The following MAP3K4 variants were observed in gnomAD, a reference collection of about 807,000 sequenced individuals.
The protein encoded by MAP3K4 is mitogen-activated protein kinase kinase kinase 4.
A neutral mutation model predicts 185.6 loss-of-function variants in MAP3K4; 67 were observed. The observed-to-expected ratio is 0.36, with a 90% CI of 0.30 to 0.44. The LOEUF (loss-of-function observed/expected upper bound fraction) is 0.44, where lower values mean the gene tolerates loss of function less well. Among genes scored for constraint, MAP3K4 ranks in the 20% least tolerant of loss-of-function variants. The pLI is 1.00. For synonymous variants in MAP3K4, 702 were observed against 710.4 expected, an observed-to-expected ratio of 0.99 and a Z score of 0.19; for missense variants, 1,551 against 1,995.1, an observed-to-expected ratio of 0.78 and a Z score of 4.24.
At chr6:161,060,975 A>G (rs1218134059) in intron 3 of MAP3K4, among the ~76,000 whole-genome samples, 1 of 152,188 alleles carries the variant, frequency 6.6e-6, no homozygotes, top group Non-Finnish European at 1.5e-5. Flanking sequence ...GAGAAATGGT[A>G]TATTCCAAGA....
chr6:161,114,177 C>G lies in MAP3K4; in HGVS notation c.4627-946C>G, dbSNP rs1778493223. ...GCTGCTCCGGAGACATTTCCAATCT[C>G]TATCAAAATTTTAAATGTGCATAGC... is the stretch of plus-strand genomic sequence containing the variant. On this transcript the variant is annotated intron_variant, in intron 25 of 26. Coordinates refer to ENST00000392142, the MANE Select transcript of MAP3K4 (RefSeq NM_005922.4). This position sits in a 1 kb window ranked among gnomAD's most constrained non-coding sequence, Gnocchi z 4.3. Among the ~76,000 whole-genome samples the G allele has an allele frequency of 2.0e-5, 3 of 152,168 alleles. No homozygotes were observed. Among genetic ancestry groups the G allele is most frequent in the Admixed American group, 2.0e-4 (3 of 15,272 alleles).
rs3798912 is a variant in MAP3K4 at position 161,063,341 on chromosome 6, C to G, written c.1708-7267C>G. Among the ~76,000 whole-genome samples the G allele has an allele frequency of 0.061, 9,263 of 152,212 alleles. 504 individuals carry two copies. Among genetic ancestry groups the G allele is most frequent in the East Asian group, 0.31 (1,608 of 5,170 alleles). ...TATCTTTCTGGCAAGCGCTCACTGT[C>G]TGGAGGGTTATTCTCCTTTTTCTCT... is the stretch of plus-strand genomic sequence containing the variant. On this transcript the variant is annotated intron_variant, in intron 3 of 26. Transcript: ENST00000392142. The surrounding 1 kb of genome is among the most constrained non-coding windows in gnomAD (Gnocchi z 5.4).
rs910650146 is a variant in MAP3K4, at chr6:161,070,440, A to G, written c.1708-168A>G. 1.3e-5 allele frequency among the ~76,000 whole-genome samples: 2 copies of G among 152,184 alleles called. No individual in the cohort carries two copies. Among genetic ancestry groups the G allele is most frequent in the Non-Finnish European group, 2.9e-5 (2 of 68,022 alleles). On this transcript the variant is annotated intron_variant, in intron 3 of 26. Transcript: ENST00000392142. The surrounding 1 kb of genome is among the most constrained non-coding windows in gnomAD (Gnocchi z 4.5). ...AGAACTTTTTGGATCTATGTTGAAAATGTTGAAGTTATTAAATTCATTAAA... is the reference window on the plus strand; with the variant it reads ...AGAACTTTTTGGATCTATGTTGAAAGTGTTGAAGTTATTAAATTCATTAAA...
Position 160,994,737 on chromosome 6 carries a change from G to C in MAP3K4, c.152+2654G>C, listed in dbSNP as rs191821618. On this transcript the variant is annotated intron_variant, in intron 1 of 26. Coordinates refer to ENST00000392142, the MANE Select transcript of MAP3K4 (RefSeq NM_005922.4). ...TTTTTTTGAGACAGAGTCTTTCTCT[G>C]TTGCCCAGGCTGGAGTGCAGTGGCG... Among the ~76,000 whole-genome samples, 87 of 152,166 alleles carry C rather than the reference G, an allele frequency of 5.7e-4. 1 individual carries two copies. In the Middle Eastern group the frequency reaches 0.01, roughly 18 times the overall value.
At chr6:161,111,678 C>T (rs1478977949) in intron 23 of MAP3K4, among the ~76,000 whole-genome samples, 158 bp from the exon 24 acceptor site, 1 of 152,198 alleles carries the variant, frequency 6.6e-6, no homozygotes, top group Non-Finnish European at 1.5e-5. Context: ...GTGAATAAGG[C>T]TTACAAATCT....
At chr6:161,068,393 G>T (rs916136956) in intron 3 of MAP3K4, among the ~76,000 whole-genome samples, 1 of 152,158 alleles carries the variant, frequency 6.6e-6, no homozygotes, top group South Asian at 2.1e-4. Context: ...CAGAACTTCT[G>T]ATAATAAAAG....
Position 161,101,981 on chromosome 6 carries a change from A to G in MAP3K4, c.3764A>G (p.Glu1255Gly), listed in dbSNP as rs1439191830. Reference protein sequence around the residue: ...RSLSRHSSPTEERDEPAYPRG... With the variant: ...RSLSRHSSPTGERDEPAYPRG... ...CTGAGTCGTCACTCAAGCCCCACGG[A>G]GGAGCGAGATGGTGAGTGTTTTAAG... is the stretch of plus-strand genomic sequence containing the variant. Residue 1255 changes from glutamate to glycine, a missense_variant, in exon 18 of 27, where the codon GAG becomes GGG. Glu to Gly is a moderately conservative substitution (Grantham distance 98). Transcript: ENST00000392142. The surrounding 1 kb of genome is among the most constrained non-coding windows in gnomAD (Gnocchi z 5.1). 1 of 1,613,956 alleles carries G rather than the reference A, an allele frequency of 6.2e-7. No individual in the cohort carries two copies. Among genetic ancestry groups the G allele is most frequent in the Non-Finnish European group, 8.5e-7 (1 of 1,179,848 alleles).
At chr6:161,026,287 C>G (rs1164548072) in intron 1 of MAP3K4, among the ~76,000 whole-genome samples, 1 of 123,690 alleles carries the variant, frequency 8.1e-6, no homozygotes, top group African/African-American at 2.9e-5. Flanking sequence ...CCCGCCACCA[C>G]GCGCAGCTAA....
chr6:161,086,953 A>G lies in MAP3K4; in HGVS notation c.2556+286A>G, dbSNP rs926932632. 3.3e-5 allele frequency among the ~76,000 whole-genome samples: 5 copies of G among 152,230 alleles called. No homozygotes were observed. Among genetic ancestry groups the G allele is most frequent in the African/African-American group, 1.2e-4 (5 of 41,462 alleles). Reference sequence around the variant, plus strand: ...TATTTAAAATAATGTGTATAAGGAGATAATATTCATTTTAAATTATGGTTT... The same window carrying G: ...TATTTAAAATAATGTGTATAAGGAGGTAATATTCATTTTAAATTATGGTTT... On this transcript the variant is annotated intron_variant, in intron 9 of 26. Coordinates refer to ENST00000392142, the MANE Select transcript of MAP3K4 (RefSeq NM_005922.4). This position sits in a 1 kb window ranked among gnomAD's most constrained non-coding sequence, Gnocchi z 4.8.
intron 1 of MAP3K4, among the ~76,000 whole-genome samples, chr6:161,018,516 A>T (rs1320909341): frequency 6.6e-6 from 1 of 152,188 alleles, no homozygotes; most frequent in African/African-American, 2.4e-5. Flanking sequence ...CTTCTATGGA[A>T]TTGACTTTAA....
chr6:161,030,711 G>A (rs1442245666), intron 1 of MAP3K4, among the ~76,000 whole-genome samples: 1 of 152,136 alleles, frequency 6.6e-6, no homozygotes, highest in Non-Finnish European at 1.5e-5. Flanking sequence ...CATTGCACTT[G>A]GCTGGTAATT....
At chr6:161,090,711 C>T (rs34078202) in intron 11 of MAP3K4, among the ~76,000 whole-genome samples, 1 of 30,182 alleles carries the variant, frequency 3.3e-5, no homozygotes, top group Non-Finnish European at 9.2e-5. Flanking sequence ...CGTGGAGGGC[C>T]GCCCTGCGCA....
At position 161,087,789 on chromosome 6, in the gene MAP3K4, G is replaced by A; in HGVS notation, c.2658G>A (p.Lys886=). Residue 886 remains lysine, a synonymous_variant, in exon 10 of 27, where the codon AAG becomes AAA. Transcript: ENST00000392142. This position sits in a 1 kb window ranked among gnomAD's most constrained non-coding sequence, Gnocchi z 4.9. ...AGTTACTCAATGCAGCTGCAGGAAA[G>A]GACTGTTCAAAAGATTCAGATGACG... ...ILQLLNAAAG[K]DCSKDSDDVL... 3 of 1,614,176 alleles carry A rather than the reference G, an allele frequency of 1.9e-6. No homozygotes were observed. Among genetic ancestry groups the A allele is most frequent in the East Asian group, 4.5e-5 (2 of 44,874 alleles).
intron 1 of MAP3K4, among the ~76,000 whole-genome samples, chr6:161,032,577 G>C (rs9364585): frequency 0.84 from 128,349 of 152,220 alleles, 54,293 homozygotes; most frequent in East Asian, 0.99. Context: ...CACCACCAAG[G>C]CTATGCTGCT....
rs1784742155 is a variant in MAP3K4, at chr6:161,067,026, T to G, written c.1708-3582T>G. On this transcript the variant is annotated intron_variant, in intron 3 of 26. Transcript: ENST00000392142. The surrounding 1 kb of genome is among the most constrained non-coding windows in gnomAD (Gnocchi z 6.3). ...GGAAGCATTTACAGCGTCTAAAGCC[T>G]TTACTTACACATACCTTAAGCTGTT... Among the ~76,000 whole-genome samples, 1 of 152,206 alleles carries G rather than the reference T, an allele frequency of 6.6e-6. No homozygotes were observed. Among genetic ancestry groups the G allele is most frequent in the Non-Finnish European group, 1.5e-5 (1 of 68,036 alleles).
intron 3 of MAP3K4, among the ~76,000 whole-genome samples, chr6:161,058,591 A>G (rs576388295): frequency 4.2e-4 from 64 of 152,248 alleles, no homozygotes; most frequent in Non-Finnish European, 7.6e-4. Flanking sequence ...GCTCAGAGTA[A>G]TTATCATCTG....
rs1037906622 is a variant in MAP3K4, at chr6:161,077,334, A to G, written c.2098-3547A>G. 1.3e-5 allele frequency among the ~76,000 whole-genome samples: 2 copies of G among 152,220 alleles called. No homozygotes were observed. The highest frequency in any genetic ancestry group is 2.4e-5 in the African/African-American group (1 of 41,468). ...AAATTAAAGAAAAATCAACAAGAAC[A>G]TATCTAAAGCAAATATGACAAAATA... On this transcript the variant is annotated intron_variant, in intron 5 of 26. Transcript: ENST00000392142. This position sits in a 1 kb window ranked among gnomAD's most constrained non-coding sequence, Gnocchi z 4.3.
In MAP3K4 at chr6:161,034,245, A is replaced by C. The variant is rs767784796; in HGVS notation, c.153-14A>C. The C allele has an allele frequency of 2.3e-5, 37 of 1,603,020 alleles. No individual in the cohort carries two copies. On this transcript the variant is annotated splice_polypyrimidine_tract_variant and intron_variant, in intron 1 of 26. Coordinates refer to ENST00000392142, the MANE Select transcript of MAP3K4 (RefSeq NM_005922.4). This position sits in a 1 kb window ranked among gnomAD's most constrained non-coding sequence, Gnocchi z 4.4. ...GTGTTGCTGAATATTTTCCCTGCAC[A>C]CTGTCTTTCATAGGCAAGAGGGCAC...
In MAP3K4 at chr6:161,084,362, TAAAAG is replaced by T. The variant is rs1157259977; in HGVS notation, c.2256-136_2256-132del. ...TTTTTCCACGTCCAGGGTTTTATAT[TAAAAG>T]AAGAGAAATTTTTCATTTTTGATTT... On this transcript the variant is annotated intron_variant, in intron 6 of 26. Transcript: ENST00000392142. This position sits in a 1 kb window ranked among gnomAD's most constrained non-coding sequence, Gnocchi z 4.6. The T allele has an allele frequency of 8.6e-6, 5 of 578,552 alleles. No homozygotes were observed. The East Asian group carries it at 1.1e-4, about 13-fold the overall frequency. The allele number at this position is 578,552 out of a possible 1,614,324, so 35.8% of individuals were successfully genotyped here.
Sources: gnomAD v4.1 joint callset for allele counts (sites outside exome capture counted in the v4.1 genomes callset) on GRCh38, gnomAD v4.1.1 for gene constraint, Gnocchi (gnomAD v3.1) non-coding constraint, MANE v1.5 for transcripts, NCBI Gene and HGNC (gene_info 2026-07-23, HGNC 2026-07-21) for gene names.